NETO2: variants seen among roughly 807,000 people sequenced by gnomAD.
The protein encoded by NETO2 is neuropilin and tolloid like 2.
In NETO2, 28 loss-of-function variants were observed where a neutral mutation model predicts 62.5. The ratio of observed to expected loss-of-function variants is 0.45; its 90% CI spans 0.33 to 0.61. The LOEUF is 0.61. Among genes scored for constraint, NETO2 ranks in the 20% least tolerant of loss-of-function variants. NETO2 has a pLI of 0.02. For synonymous variants in NETO2, 214 were observed against 219.1 expected (o/e 0.98, Z 0.21); for missense variants, 548 against 643.2 (o/e 0.85, Z 1.60).
At position 47,082,973 on chromosome 16, in the gene NETO2, G is replaced by GC. The variant is rs1188441570; in HGVS notation, c.*247dup. The GC allele has an allele frequency of 5.1e-6, 2 of 394,742 alleles. No homozygotes were observed. The highest frequency in any genetic ancestry group is 1.7e-4 in the South Asian group (2 of 11,998). The allele number at this position is 394,742 out of a possible 1,614,324, so 24.5% of individuals were successfully genotyped here. On this transcript the variant is annotated 3_prime_UTR_variant, in exon 9 of 9. Coordinates refer to ENST00000562435, the MANE Select transcript of NETO2 (RefSeq NM_018092.5). ...CTTCTAATGCTCTTTAACTGGCAGT[G>GC]CTTCCTATAAATGACACCAAGCAAT...
chr16:47,096,978 G>C (rs537131177), intron 7 of NETO2, among the ~76,000 whole-genome samples: 3 of 152,156 alleles, frequency 2.0e-5, no homozygotes, highest in Admixed American at 1.3e-4. Context: ...ATGAGGGAAC[G>C]GCGCATTCTG....
In NETO2 at chr16:47,080,239, G is replaced by A. The variant is rs895196975; in HGVS notation, c.*2982C>T. 1.3e-5 allele frequency: 2 copies of A among 152,178 alleles called. No individual in the cohort carries two copies. The highest frequency in any genetic ancestry group is 2.9e-5 in the Non-Finnish European group (2 of 68,044). The allele number at this position is 152,178 out of a possible 1,614,324, so 9.4% of individuals were successfully genotyped here. On this transcript the variant is annotated 3_prime_UTR_variant, in exon 9 of 9. Transcript: ENST00000562435. ...TGCAATAGATCTGTGGGCATTTGGG[G>A]GATGATGCGGTGAATTGCAGATGGA...
chr16:47,132,894 CCTT>C (rs953158624), intron 1 of NETO2, among the ~76,000 whole-genome samples: 1 of 152,122 alleles, frequency 6.6e-6, no homozygotes, highest in Non-Finnish European at 1.5e-5. Context: ...TCAAGTTTTG[CCTT>C]CTACCAGCTG....
intron 7 of NETO2, among the ~76,000 whole-genome samples, chr16:47,095,297 TGA>T (rs1963406464): frequency 6.6e-6 from 1 of 151,752 alleles, no homozygotes. Context: ...ATGGAGGAAA[TGA>T]GAGACAACAA....
At chr16:47,139,598 T>C (rs1358769653) in intron 1 of NETO2, among the ~76,000 whole-genome samples, 2 of 152,214 alleles carry the variant, frequency 1.3e-5, no homozygotes, top group African/African-American at 2.4e-5. Context: ...CTATTTGACA[T>C]GGCAGTCACT....
At chr16:47,143,377 T>C (rs1567404520) in intron 1 of NETO2, among the ~76,000 whole-genome samples, 2 of 151,348 alleles carry the variant, frequency 1.3e-5, no homozygotes, top group Non-Finnish European at 3.0e-5. Flanking sequence ...CTCGCAGGGG[T>C]CGGAAGCGGC....
chr16:47,142,194 T>C (rs771724453), intron 1 of NETO2, among the ~76,000 whole-genome samples: 1 of 152,050 alleles, frequency 6.6e-6, no homozygotes, highest in African/African-American at 2.4e-5. Flanking sequence ...AATTAGGAGT[T>C]AGAGATATGA....
At chr16:47,115,716 T>TATATGTATATAC (rs1963901886) in intron 6 of NETO2, among the ~76,000 whole-genome samples, 1 of 127,680 alleles carries the variant, frequency 7.8e-6, no homozygotes, top group Non-Finnish European at 1.6e-5. Context: ...TATATATACA[T>TATATGTATATAC]ATATATATAT....
chr16:47,131,857 A>T, intron 2 of NETO2, 112 bp downstream of exon 2: 1 of 832,654 alleles, frequency 1.2e-6, no homozygotes, highest in Non-Finnish European at 2.0e-6. Flanking sequence ...GCCTTAGGTC[A>T]CTGGAACACC....
In NETO2 at chr16:47,123,165, C is replaced by G. The variant is rs140857333; in HGVS notation, c.482-253G>C. Among the ~76,000 whole-genome samples the G allele has an allele frequency of 1.6e-4, 25 of 152,268 alleles. No homozygotes were observed. The East Asian group carries it at 4.8e-3, about 29-fold the overall frequency. On this transcript the variant is annotated intron_variant, in intron 4 of 8. Transcript: ENST00000562435. ...ACTCACATCAACTGTCAGAGTTGAA[C>G]AGGTAAACGGAACATCACATATACA...
At position 47,110,454 on chromosome 16, in the gene NETO2, C is replaced by T. The variant is rs557180491; in HGVS notation, c.655-743G>A. ...GAATTTAGATTTTAAGCATTAATCTCCAGAAGAGCCTAATGAAGTAGGTAT... is the reference window on the plus strand; with the variant it reads ...GAATTTAGATTTTAAGCATTAATCTTCAGAAGAGCCTAATGAAGTAGGTAT... On this transcript the variant is annotated intron_variant, in intron 6 of 8. Transcript: ENST00000562435. 2.0e-5 allele frequency among the ~76,000 whole-genome samples: 3 copies of T among 152,294 alleles called. No individual in the cohort carries two copies. The East Asian group carries it at 5.8e-4, about 29-fold the overall frequency.
At chr16:47,104,287 AT>A (rs1183803313) in intron 7 of NETO2, among the ~76,000 whole-genome samples, 2 of 152,248 alleles carry the variant, frequency 1.3e-5, no homozygotes, top group Non-Finnish European at 2.9e-5. Context: ...GTATAATAGC[AT>A]TAAAAAGAAT....
chr16:47,140,182 C>CT (rs202003879), intron 1 of NETO2, among the ~76,000 whole-genome samples: 3,909 of 151,276 alleles, frequency 0.026, 66 homozygotes, highest in Non-Finnish European at 0.043. Context: ...GTCCTTTTTC[C>CT]TTTTTTTTTC....
At chr16:47,111,837 C>T (rs1319707580) in intron 6 of NETO2, among the ~76,000 whole-genome samples, 1 of 152,132 alleles carries the variant, frequency 6.6e-6, no homozygotes, top group African/African-American at 2.4e-5. Context: ...TCTCTCTATC[C>T]TAGCCTTCAC....
At position 47,143,926 on chromosome 16, in the gene NETO2, G is replaced by A. The variant is rs533545744; in HGVS notation, c.-314C>T. On this transcript the variant is annotated 5_prime_UTR_variant, in exon 1 of 9. Transcript: ENST00000562435. ...GGCAGGCAGCTCCGCCCGCGGCCCC[G>A]GCGCGGGATCCACTGAAGTGGCGGG... is the stretch of plus-strand genomic sequence containing the variant. The A allele has an allele frequency of 2.4e-4, 43 of 175,772 alleles. No individual in the cohort carries two copies. The East Asian group carries it at 6.1e-3, about 25-fold the overall frequency. 10.9% of individuals were successfully genotyped at this position (175,772 alleles called of 1,614,324 possible). A position where few individuals can be genotyped will look rare whatever the true frequency, so the allele number is the denominator to read the frequency against.
chr16:47,125,419 C>T (rs1964136327), intron 4 of NETO2, among the ~76,000 whole-genome samples: 1 of 151,416 alleles, frequency 6.6e-6, no homozygotes, highest in Non-Finnish European at 1.5e-5. Flanking sequence ...AATATTGGCT[C>T]TCTGCAACCT....
intron 7 of NETO2, among the ~76,000 whole-genome samples, chr16:47,095,371 CATAA>C (rs745607150): frequency 4.3e-4 from 66 of 152,152 alleles, no homozygotes; most frequent in African/African-American, 1.4e-3. Context: ...AGCAATTAAA[CATAA>C]ATAAACTCTC....
rs898044108 is a variant in NETO2, at chr16:47,081,983, CT to C, written c.*1237del. 2.6e-5 allele frequency: 4 copies of C among 152,608 alleles called. No individual in the cohort carries two copies. Among genetic ancestry groups the C allele is most frequent in the Non-Finnish European group, 5.9e-5 (4 of 68,018 alleles). The allele number at this position is 152,608 out of a possible 1,614,324, so 9.5% of individuals were successfully genotyped here. Reference sequence around the variant, plus strand: ...CACAGCATATTTGCATACAAAGCCACTGATGTGAACACTGAAAGGAATCTGT... The same window carrying C: ...CACAGCATATTTGCATACAAAGCCACGATGTGAACACTGAAAGGAATCTGT... On this transcript the variant is annotated 3_prime_UTR_variant, in exon 9 of 9. Transcript: ENST00000562435.
Position 47,101,413 on chromosome 16 carries a change from T to C in NETO2, c.883+8070A>G, listed in dbSNP as rs546224855. Among the ~76,000 whole-genome samples, 30 of 152,254 alleles carry C rather than the reference T, an allele frequency of 2.0e-4. No individual in the cohort carries two copies. In the East Asian group the frequency reaches 2.7e-3, roughly 14 times the overall value. On this transcript the variant is annotated intron_variant, in intron 7 of 8. Transcript: ENST00000562435. ...CCTCTCTTACCACTCCTATTCAACA[T>C]AGTATTGGAGGTTCTGGCCAGGGCA...
Sources: gnomAD v4.1 joint callset for allele counts (sites outside exome capture counted in the v4.1 genomes callset) on GRCh38, gnomAD v4.1.1 for gene constraint, MANE v1.5 for transcripts, NCBI Gene and HGNC (gene_info 2026-07-23, HGNC 2026-07-21) for gene names.